The following ZNF385D variants were observed in gnomAD, a reference collection of about 807,000 sequenced individuals.
ZNF385D encodes zinc finger protein 385D.
Under a neutral mutation model 35.8 loss-of-function variants are expected in ZNF385D, and 15 were observed. The observed-to-expected ratio is 0.42, with a 90% CI of 0.28 to 0.64. The LOEUF is 0.64. Ranked by LOEUF, ZNF385D falls within the 30% of genes least tolerant of loss-of-function variation. ZNF385D has a pLI of 0.23. For synonymous variants in ZNF385D, 212 were observed against 186.8 expected (o/e 1.13, Z -1.10); for missense variants, 474 against 494.6 (o/e 0.96, Z 0.39).
intron 2 of ZNF385D, among the ~76,000 whole-genome samples, chr3:21,647,689 A>G (rs2065793772): frequency 6.6e-6 from 1 of 152,154 alleles, no homozygotes; most frequent in Admixed American, 6.6e-5. Context: ...CTCCCTTTAT[A>G]TTCCTGACTG....
At chr3:21,874,534 G>C (rs1292787717) in intron 3 of ZNF385D, among the ~76,000 whole-genome samples, 1 of 151,956 alleles carries the variant, frequency 6.6e-6, no homozygotes, top group African/African-American at 2.4e-5. Context: ...ATATGTATGT[G>C]GGCTTTCTAT....
At chr3:22,231,777 C>G (rs965816909) in intron 2 of ZNF385D, among the ~76,000 whole-genome samples, 1 of 152,012 alleles carries the variant, frequency 6.6e-6, no homozygotes, top group Non-Finnish European at 1.5e-5. Flanking sequence ...GTTGTAATTC[C>G]CAATGTTGAA....
At position 21,870,999 on chromosome 3, in the gene ZNF385D, T is replaced by C. The variant is rs114468647; in HGVS notation, c.326-205971A>G. 8.7e-3 allele frequency among the ~76,000 whole-genome samples: 1,324 copies of C among 152,278 alleles called. 16 individuals are homozygous for C. Among genetic ancestry groups the C allele is most frequent in the African/African-American group, 0.03 (1,252 of 41,566 alleles). On this transcript the variant is annotated intron_variant, in intron 3 of 5. Transcript: ENST00000494108. ...GATGTAAAATGAATCATGCCACTTA[T>C]CTGCTAAAAACTAATAGCTTGTTCT...
chr3:21,493,927 A>G (rs1032129893), intron 4 of ZNF385D, among the ~76,000 whole-genome samples: 1 of 152,156 alleles, frequency 6.6e-6, no homozygotes, highest in African/African-American at 2.4e-5. Flanking sequence ...ATAATTCTGT[A>G]TATTCATATT....
At chr3:22,193,683 C>T (rs1259603998) in intron 2 of ZNF385D, among the ~76,000 whole-genome samples, 1 of 151,892 alleles carries the variant, frequency 6.6e-6, no homozygotes, top group Non-Finnish European at 1.5e-5. Flanking sequence ...GTTCAATATT[C>T]TATTATATAT....
chr3:22,299,744 A>G (rs1702794482), intron 2 of ZNF385D, among the ~76,000 whole-genome samples: 1 of 151,934 alleles, frequency 6.6e-6, no homozygotes, highest in Non-Finnish European at 1.5e-5. Flanking sequence ...AATTCTTAGG[A>G]ATAAATTTAA....
In ZNF385D at chr3:21,789,869, G is replaced by A. The variant is rs1332802292; in HGVS notation, c.326-124841C>T. 2.0e-5 allele frequency among the ~76,000 whole-genome samples: 3 copies of A among 152,288 alleles called. No individual in the cohort carries two copies. In the East Asian group the frequency reaches 5.8e-4, roughly 29 times the overall value. On this transcript the variant is annotated intron_variant, in intron 3 of 5. Transcript: ENST00000494108. ...AACCTTTGTGTATGTGGCTTCTTGGGTTCTTTCAACTTGTCACTGTTGTCA... is the reference window on the plus strand; with the variant it reads ...AACCTTTGTGTATGTGGCTTCTTGGATTCTTTCAACTTGTCACTGTTGTCA...
At chr3:21,939,361 C>T (rs73131365) in intron 3 of ZNF385D, among the ~76,000 whole-genome samples, 14 of 152,120 alleles carry the variant, frequency 9.2e-5, no homozygotes, top group African/African-American at 1.7e-4. Context: ...TCTCAAAGAC[C>T]ATTCAGAAGG....
At chr3:22,182,016 T>A (rs918563435) in intron 2 of ZNF385D, among the ~76,000 whole-genome samples, 1 of 152,030 alleles carries the variant, frequency 6.6e-6, no homozygotes, top group African/African-American at 2.4e-5. Flanking sequence ...AGGTGGTTCC[T>A]TCCCCAGTTG....
At chr3:21,834,243 G>C (rs1403268379) in intron 3 of ZNF385D, among the ~76,000 whole-genome samples, 1 of 152,134 alleles carries the variant, frequency 6.6e-6, no homozygotes, top group Admixed American at 6.6e-5. Flanking sequence ...TACCCACCCA[G>C]TCCACGAGAC....
intron 3 of ZNF385D, among the ~76,000 whole-genome samples, chr3:21,968,476 C>T (rs1397633189): frequency 6.6e-6 from 1 of 152,008 alleles, no homozygotes; most frequent in Non-Finnish European, 1.5e-5. Context: ...CAGCCCCAGG[C>T]AGAAGAGCTC....
At chr3:22,292,084 G>A (rs1426363458) in intron 2 of ZNF385D, among the ~76,000 whole-genome samples, 1 of 151,898 alleles carries the variant, frequency 6.6e-6, no homozygotes, top group African/African-American at 2.4e-5. Context: ...TAATTTGAGA[G>A]CTGGATGAAT....
At chr3:22,136,596 G>C (rs535861908) in intron 3 of ZNF385D, among the ~76,000 whole-genome samples, 2 of 152,172 alleles carry the variant, frequency 1.3e-5, no homozygotes, top group South Asian at 2.1e-4. Flanking sequence ...ACCAGAAAAA[G>C]AGTTAAACAG....
chr3:21,949,460 T>G (rs1316639905), intron 3 of ZNF385D, among the ~76,000 whole-genome samples: 1 of 152,078 alleles, frequency 6.6e-6, no homozygotes, highest in African/African-American at 2.4e-5. Flanking sequence ...GCTATTGAGC[T>G]CAAGTGTTTT....
At chr3:21,755,895 TGAGTGCCA>T (rs764765998), upstream of ZNF385D, among the ~76,000 whole-genome samples, 4 of 152,176 alleles carry the variant, frequency 2.6e-5, no homozygotes, top group Admixed American at 1.3e-4. Flanking sequence ...ATACACCTTA[TGAGTGCCA>T]GGAAGAACAA....
rs1470851353 is a variant in ZNF385D at position 21,918,314 on chromosome 3, CAAAA to C, written c.325+250499_325+250502del. On this transcript the variant is annotated intron_variant, in intron 3 of 5. Coordinates refer to the ZNF385D transcript ENST00000494108. ...GAGAGGCCAAAACAATGACAGGAAA[CAAAA>C]GAAATGAACAATCCAAGATTTATTA... 3.9e-5 allele frequency among the ~76,000 whole-genome samples: 6 copies of C among 152,072 alleles called. No homozygotes were observed. In the East Asian group the frequency reaches 1.2e-3, roughly 29 times the overall value.
intron 3 of ZNF385D, among the ~76,000 whole-genome samples, chr3:21,968,928 G>A (rs927371806): frequency 6.6e-6 from 1 of 152,202 alleles, no homozygotes; most frequent in East Asian, 1.9e-4. Context: ...TGGGGTCTCT[G>A]ATTCCTGGCC....
At chr3:21,454,942 G>A (rs111523828) in intron 4 of ZNF385D, among the ~76,000 whole-genome samples, 42,099 of 151,906 alleles carry the variant, frequency 0.28, 6,482 homozygotes, top group East Asian at 0.43. Flanking sequence ...TTATACACCA[G>A]TAACAGACAA....
At chr3:22,200,800 C>T (rs1196241783) in intron 2 of ZNF385D, among the ~76,000 whole-genome samples, 1 of 152,034 alleles carries the variant, frequency 6.6e-6, no homozygotes, top group African/African-American at 2.4e-5. Context: ...ATGTTCCTTG[C>T]TGAGAAAAAG....
Sources: gnomAD v4.1 joint callset for allele counts (sites outside exome capture counted in the v4.1 genomes callset) on GRCh38, gnomAD v4.1.1 for gene constraint, MANE v1.5 for transcripts, NCBI Gene and HGNC (gene_info 2026-07-23, HGNC 2026-07-21) for gene names.